KCNH5: variants seen among roughly 807,000 people sequenced by gnomAD.
KCNH5 encodes the protein voltage-gated delayed rectifier potassium channel KCNH5.
A neutral mutation model predicts 96.1 loss-of-function variants in KCNH5; 46 were observed. The ratio of observed to expected loss-of-function variants is 0.48; its 90% confidence interval spans 0.38 to 0.61. The LOEUF is 0.61. Ranked by LOEUF, KCNH5 falls within the 20% of genes least tolerant of loss-of-function variation. The pLI is 0.00. For synonymous variants in KCNH5, 439 were observed against 449.8 expected (o/e 0.98, Z 0.30); for missense variants, 907 against 1,225.8 (o/e 0.74, Z 3.88).
Position 62,981,281 on chromosome 14 carries a change from G to T in KCNH5, c.550-17C>A, listed in dbSNP as rs1422234778. On this transcript the variant is annotated splice_polypyrimidine_tract_variant and intron_variant, in intron 5 of 10. Transcript: ENST00000322893. ...CTGAAGAACCTAAAAGAGAGAAAAT[G>T]TATTTATACATGACTAGGTTATCTC... The T allele has an allele frequency of 6.2e-7, 1 of 1,611,894 alleles. No homozygotes were observed. Among genetic ancestry groups the T allele is most frequent in the Non-Finnish European group, 8.5e-7 (1 of 1,178,798 alleles).
intron 7 of KCNH5, among the ~76,000 whole-genome samples, chr14:62,855,264 G>A (rs1166622856): frequency 2.0e-5 from 3 of 152,134 alleles, no homozygotes; most frequent in East Asian, 1.9e-4. Flanking sequence ...GACTATGTAG[G>A]TGGTTCGACC....
chr14:62,948,260 C>T (rs1889931887), intron 7 of KCNH5, among the ~76,000 whole-genome samples: 2 of 152,034 alleles, frequency 1.3e-5, no homozygotes, highest in South Asian at 4.1e-4. Context: ...CAAGTCTTTG[C>T]TATTTTGAAT....
At chr14:62,774,181 T>C (rs2139969483) in intron 10 of KCNH5, among the ~76,000 whole-genome samples, 1 of 152,238 alleles carries the variant, frequency 6.6e-6, no homozygotes, top group East Asian at 1.9e-4. Context: ...ACACGAGAAA[T>C]GCTGTCAACC....
intron 7 of KCNH5, among the ~76,000 whole-genome samples, chr14:62,868,425 T>G (rs1329206590): frequency 6.6e-6 from 1 of 152,246 alleles, no homozygotes; most frequent in Non-Finnish European, 1.5e-5. Flanking sequence ...GCAAAAGTAA[T>G]TGCTGTTTTT....
intron 7 of KCNH5, among the ~76,000 whole-genome samples, chr14:62,936,114 A>C (rs1464157520): frequency 6.6e-6 from 1 of 152,174 alleles, no homozygotes; most frequent in Non-Finnish European, 1.5e-5. Flanking sequence ...GTGTCTATGA[A>C]ATCTAGCAAA....
intron 10 of KCNH5, among the ~76,000 whole-genome samples, chr14:62,761,183 C>T (rs973011981): frequency 6.6e-6 from 1 of 151,906 alleles, no homozygotes; most frequent in Non-Finnish European, 1.5e-5. Flanking sequence ...GGAGAAACCC[C>T]GTCTCTACTA....
At chr14:62,970,927 G>C (rs1157397402) in intron 6 of KCNH5, among the ~76,000 whole-genome samples, 1 of 151,094 alleles carries the variant, frequency 6.6e-6, no homozygotes, top group East Asian at 1.9e-4. Context: ...TGAAAAACTA[G>C]AAGCTTTCCT....
chr14:63,002,173 T>TC (rs140313983), intron 3 of KCNH5, among the ~76,000 whole-genome samples: 1,659 of 152,238 alleles, frequency 0.011, 27 homozygotes, highest in African/African-American at 0.038. Context: ...CCTACCTCCC[T>TC]CACTTAAACA....
chr14:63,008,969 A>T (rs1434758923), intron 2 of KCNH5, among the ~76,000 whole-genome samples: 1 of 152,160 alleles, frequency 6.6e-6, no homozygotes, highest in Non-Finnish European at 1.5e-5. Flanking sequence ...AAGAATCTTA[A>T]TAAAGCAGAA....
intron 1 of KCNH5, among the ~76,000 whole-genome samples, chr14:63,033,333 A>T (rs1057256842): frequency 1.3e-5 from 2 of 152,198 alleles, no homozygotes; most frequent in African/African-American, 4.8e-5. Flanking sequence ...TTTAAGCTTC[A>T]CAAACTTAGC....
At chr14:62,984,268 G>A (rs1440351047) in intron 5 of KCNH5, among the ~76,000 whole-genome samples, 2 of 152,146 alleles carry the variant, frequency 1.3e-5, no homozygotes, top group African/African-American at 4.8e-5. Flanking sequence ...ACTGACTGAT[G>A]TGGCAGGGCG....
At position 62,708,377 on chromosome 14, in the gene KCNH5, T is replaced by C. The variant is rs1432177671; in HGVS notation, c.2098A>G (p.Ile700Val). 6.2e-7 allele frequency: 1 copy of C among 1,613,796 alleles called. No individual in the cohort carries two copies. Residue 700 changes from isoleucine (I) to valine (V), a missense_variant, in exon 11 of 11, where the codon ATT becomes GTT. Physicochemically the swap from Ile to Val is conservative, Grantham distance 29 (BLOSUM62 3). Coordinates refer to ENST00000322893, the MANE Select transcript of KCNH5 (RefSeq NM_139318.5). ...TTTCTGACTGGGTGGTCCACGGGAA[T>C]GCTGAGGGTCACCTCATTCTTCTGC... ...LRQKNEVTLS[I>V]PVDHPVRKLF...
chr14:63,006,615 A>G (rs1009829766), intron 2 of KCNH5, 143 bp from the exon 3 acceptor site: 2 of 585,540 alleles, frequency 3.4e-6, no homozygotes, highest in Non-Finnish European at 6.1e-6. Flanking sequence ...AAATCATGAG[A>G]GGCAGTTCTT....
intron 7 of KCNH5, among the ~76,000 whole-genome samples, chr14:62,868,688 C>A (rs1295747699): frequency 6.6e-6 from 1 of 152,124 alleles, no homozygotes; most frequent in African/African-American, 2.4e-5. Flanking sequence ...CCTCCCCTAT[C>A]CCCCTACCCG....
chr14:62,814,499 T>C (rs1310306239), intron 8 of KCNH5, among the ~76,000 whole-genome samples: 1 of 152,094 alleles, frequency 6.6e-6, no homozygotes, highest in Non-Finnish European at 1.5e-5. Flanking sequence ...CAAACAATAT[T>C]GTTTTCTACT....
chr14:63,029,512 T>C (rs1206977834), intron 1 of KCNH5, among the ~76,000 whole-genome samples: 2 of 152,120 alleles, frequency 1.3e-5, no homozygotes, highest in Admixed American at 6.6e-5. Flanking sequence ...GGTATCTTGG[T>C]GTGTTTGTGG....
chr14:62,943,592 G>A (rs117965391), intron 7 of KCNH5, among the ~76,000 whole-genome samples: 2,941 of 152,120 alleles, frequency 0.019, 59 homozygotes, highest in East Asian at 0.08. Context: ...ACACACATAC[G>A]TATGTACATA....
intron 1 of KCNH5, among the ~76,000 whole-genome samples, chr14:63,029,050 C>A (rs1357149072): frequency 2.0e-5 from 3 of 152,102 alleles, no homozygotes; most frequent in African/African-American, 7.2e-5. Flanking sequence ...GCTCACCAGA[C>A]CTTACCTCGA....
chr14:62,757,619 A>G (rs1258652051), intron 10 of KCNH5, among the ~76,000 whole-genome samples: 1 of 152,156 alleles, frequency 6.6e-6, no homozygotes, highest in Non-Finnish European at 1.5e-5. Context: ...GCCAAAAAAA[A>G]AAAAACCAAA....
Sources: gnomAD v4.1 joint callset for allele counts (sites outside exome capture counted in the v4.1 genomes callset) on GRCh38, gnomAD v4.1.1 for gene constraint, MANE v1.5 for transcripts, NCBI Gene and HGNC (gene_info 2026-07-23, HGNC 2026-07-21) for gene names.